CHODL: variants seen among roughly 807,000 people sequenced by gnomAD.
CHODL encodes transmembrane protein MT75.
A neutral mutation model predicts 34.5 loss-of-function variants in CHODL; 29 were observed. The ratio of observed to expected loss-of-function variants is 0.84; its 90% CI spans 0.63 to 1.15. The LOEUF (loss-of-function observed/expected upper bound fraction) is 1.15, where lower values mean the gene tolerates loss of function less well. Ranked by LOEUF, CHODL falls within the 50% of genes most tolerant of loss-of-function variation. CHODL has a pLI of 0.00. For missense variants in CHODL, 332 were observed against 332.5 expected (o/e 1.00, Z 0.01); for synonymous variants, 125 against 116.1 (o/e 1.08, Z -0.49).
intron 2 of CHODL, among the ~76,000 whole-genome samples, chr21:18,051,004 G>T (rs988771673): frequency 6.6e-6 from 1 of 151,158 alleles, no homozygotes; most frequent in Non-Finnish European, 1.5e-5. Flanking sequence ...AGGTATACAC[G>T]TGCCATGGTG....
chr21:18,009,138 A>T (rs1218891074), intron 1 of CHODL, among the ~76,000 whole-genome samples: 1 of 152,210 alleles, frequency 6.6e-6, no homozygotes, highest in African/African-American at 2.4e-5. Context: ...ATTGAGTCCA[A>T]ACTGTACTTA....
chr21:18,260,380 G>T, intron 4 of CHODL, 94 bp downstream of exon 4: 1 of 764,208 alleles, frequency 1.3e-6, no homozygotes, highest in South Asian at 1.8e-5. Context: ...GTCTTGCCTG[G>T]GGAAGTGGTT....
intron 2 of CHODL, among the ~76,000 whole-genome samples, chr21:18,090,564 A>G (rs1279282972): frequency 6.6e-6 from 1 of 152,156 alleles, no homozygotes; most frequent in Non-Finnish European, 1.5e-5. Context: ...CATCCCTAAA[A>G]TAACAACAGT....
intron 1 of CHODL, among the ~76,000 whole-genome samples, chr21:17,941,639 A>C (rs543118274): frequency 2.7e-4 from 41 of 152,210 alleles, no homozygotes; most frequent in African/African-American, 9.9e-4. Context: ...TAAAATATTA[A>C]TTTTTCAAAA....
At chr21:18,171,760 C>G (rs1198556349) in intron 2 of CHODL, among the ~76,000 whole-genome samples, 1 of 147,050 alleles carries the variant, frequency 6.8e-6, no homozygotes, top group African/African-American at 2.5e-5. Context: ...CTTTTTTTTG[C>G]TCTTGTAGTT....
At chr21:18,230,080 G>A (rs567551893) in intron 2 of CHODL, among the ~76,000 whole-genome samples, 2 of 152,242 alleles carry the variant, frequency 1.3e-5, no homozygotes, top group African/African-American at 4.8e-5. Context: ...TAAGTAGGTT[G>A]TAGTTGTGGA....
intron 2 of CHODL, among the ~76,000 whole-genome samples, chr21:18,208,433 A>C (rs1244332188): frequency 6.6e-6 from 1 of 152,032 alleles, no homozygotes; most frequent in East Asian, 1.9e-4. Flanking sequence ...AGCTACTTTG[A>C]ATTCTGTATC....
chr21:17,974,577 T>G (rs1449031242), intron 1 of CHODL, among the ~76,000 whole-genome samples: 1 of 152,190 alleles, frequency 6.6e-6, no homozygotes, highest in Non-Finnish European at 1.5e-5. Flanking sequence ...GCCAGAATTT[T>G]TAGTTTAAAT....
At chr21:18,009,897 A>AAAAAAAAT (rs1337340573) in intron 1 of CHODL, among the ~76,000 whole-genome samples, 1 of 149,846 alleles carries the variant, frequency 6.7e-6, no homozygotes, top group South Asian at 2.1e-4. Flanking sequence ...CAAAAAAAAA[A>AAAAAAAAT]AAATAACATT....
intron 2 of CHODL, among the ~76,000 whole-genome samples, chr21:18,183,952 C>T (rs1018310892): frequency 1.3e-5 from 2 of 152,026 alleles, no homozygotes; most frequent in African/African-American, 4.8e-5. Flanking sequence ...TTCCCCATGA[C>T]TTTTTTCTTT....
At chr21:18,240,426 A>C (rs1225470834), upstream of CHODL, among the ~76,000 whole-genome samples, 3 of 152,124 alleles carry the variant, frequency 2.0e-5, no homozygotes, top group East Asian at 3.9e-4. Context: ...AGGAAAGTTG[A>C]CCAAGATCAG....
rs115834649 is a variant in CHODL at position 18,251,824 on chromosome 21, A to G, written c.80-4685A>G. On this transcript the variant is annotated intron_variant, in intron 1 of 5. Coordinates refer to ENST00000299295, the MANE Select transcript of CHODL (RefSeq NM_024944.3). ...CTCTTTTATATAAAAGAAATATTCT[A>G]TAAAATATTTCTGTAAAAATTCAGT... is the stretch of plus-strand genomic sequence containing the variant. Among the ~76,000 whole-genome samples the G allele has an allele frequency of 6.9e-3, 1,018 of 148,052 alleles. 8 individuals are homozygous for G. The highest frequency in any genetic ancestry group is 0.024 in the African/African-American group (974 of 40,578).
At chr21:18,197,508 C>G (rs2146703149) in intron 2 of CHODL, among the ~76,000 whole-genome samples, 1 of 152,236 alleles carries the variant, frequency 6.6e-6, no homozygotes. Context: ...CCCAACTAAT[C>G]TGGAGGCTGC....
chr21:17,917,398 C>G (rs968709532), exon 1 of CHODL: 17 of 152,222 alleles, frequency 1.1e-4, no homozygotes, highest in African/African-American at 4.1e-4. Context: ...AGCCAATTCC[C>G]TGGTAAGTCC....
At chr21:18,012,745 A>T (rs773316646) in intron 1 of CHODL, among the ~76,000 whole-genome samples, 9 of 152,348 alleles carry the variant, frequency 5.9e-5, no homozygotes, top group South Asian at 4.1e-4. Context: ...AAGAAGAAGG[A>T]TTATGTTTCC....
intron 2 of CHODL, among the ~76,000 whole-genome samples, chr21:18,143,717 A>G (rs1400444446): frequency 6.6e-6 from 1 of 152,066 alleles, no homozygotes; most frequent in Non-Finnish European, 1.5e-5. Context: ...GAACATATTA[A>G]TGCTAGGTGA....
intron 2 of CHODL, among the ~76,000 whole-genome samples, chr21:18,059,490 G>C (rs945554299): frequency 2.3e-5 from 3 of 133,108 alleles, no homozygotes; most frequent in Non-Finnish European, 4.7e-5. Context: ...TCAAACTCAT[G>C]ATCTTTTTTT....
chr21:18,114,030 A>G (rs1283298439), intron 2 of CHODL, among the ~76,000 whole-genome samples: 1 of 152,220 alleles, frequency 6.6e-6, no homozygotes, highest in Non-Finnish European at 1.5e-5. Flanking sequence ...TAAGTGAAAT[A>G]AGCCAGGCAG....
At chr21:18,113,537 G>A (rs1314645933) in intron 2 of CHODL, among the ~76,000 whole-genome samples, 6 of 152,144 alleles carry the variant, frequency 3.9e-5, no homozygotes, top group African/African-American at 1.2e-4. Context: ...TGAAGGGGAA[G>A]CAGGCACATC....
Sources: allele counts gnomAD v4.1 joint callset (sites outside exome capture counted in the v4.1 genomes callset), GRCh38; gene constraint gnomAD v4.1.1; transcripts MANE v1.5; gene names NCBI Gene and HGNC (gene_info 2026-07-23, HGNC 2026-07-21).